Variants in ZNF496 observed in about 807,000 individuals in gnomAD.
ZNF496 encodes zinc finger protein 496.
Under a neutral mutation model 58.9 loss-of-function variants are expected in ZNF496, and 11 were observed. That is an observed-to-expected ratio of 0.19 (90% CI 0.12 to 0.31). The LOEUF is 0.31. ZNF496 is among the 10% of genes least tolerant of loss of function. ZNF496 has a pLI of 1.00. For synonymous variants in ZNF496, 338 were observed against 318.2 expected (o/e 1.06, Z -0.66); for missense variants, 660 against 783.0 (o/e 0.84, Z 1.88).
intron 5 of ZNF496, among the ~76,000 whole-genome samples, chr1:247,326,260 AGC>A (rs958903334): frequency 4.6e-5 from 7 of 151,920 alleles, no homozygotes; most frequent in Non-Finnish European, 8.8e-5. Flanking sequence ...CACAAAATCT[AGC>A]TTTTGGGGAA....
chr1:247,330,471 G>C (rs1014544326), intron 2 of ZNF496, among the ~76,000 whole-genome samples: 1 of 152,192 alleles, frequency 6.6e-6, no homozygotes, highest in Non-Finnish European at 1.5e-5. Context: ...GCACAGCTCA[G>C]CCCTCAAAGA....
At position 247,308,901 on chromosome 1, in the gene ZNF496, G is replaced by A. The variant is rs534255127; in HGVS notation, c.893-313C>T. ...TATTTATTCCCACTTTCTGTGGTGG[G>A]TTTTCTATAGTCATCACCACAGGCT... On this transcript the variant is annotated intron_variant, in intron 8 of 9. Transcript: ENST00000682384. The surrounding 1 kb of genome is among the most constrained non-coding windows in gnomAD (Gnocchi z 4.5). 87 of 356,126 alleles carry A rather than the reference G, an allele frequency of 2.4e-4. No homozygotes were observed. The highest frequency in any genetic ancestry group is 1.9e-3 in the Middle Eastern group (2 of 1,026). The allele number at this position is 356,126 out of a possible 1,614,324, so 22.1% of individuals were successfully genotyped here. A position where few individuals can be genotyped will look rare whatever the true frequency, so the allele number is the denominator to read the frequency against.
At chr1:247,328,257 T>C (rs1399379346) in intron 5 of ZNF496, among the ~76,000 whole-genome samples, 1 of 152,184 alleles carries the variant, frequency 6.6e-6, no homozygotes, top group Non-Finnish European at 1.5e-5. Context: ...AGCATCACAA[T>C]ACTCCTGTAA....
chr1:247,322,468 C>T (rs1453427945), intron 6 of ZNF496, among the ~76,000 whole-genome samples: 1 of 152,114 alleles, frequency 6.6e-6, no homozygotes, highest in Non-Finnish European at 1.5e-5. Context: ...GGGGATGATG[C>T]TGTCATAACT....
intron 7 of ZNF496, 104 bp downstream of exon 7, chr1:247,310,220 C>A (rs1423918979): frequency 1.1e-5 from 17 of 1,544,724 alleles, no homozygotes; most frequent in Middle Eastern, 4.8e-4. Flanking sequence ...CTGATGCAGG[C>A]CCCGCTTCCC....
intron 6 of ZNF496, among the ~76,000 whole-genome samples, chr1:247,321,370 T>C (rs1276515969): frequency 6.6e-6 from 1 of 151,968 alleles, no homozygotes; most frequent in Non-Finnish European, 1.5e-5. Context: ...AGGGAAAGGG[T>C]AAATGAGGAG....
At chr1:247,315,362 G>C (rs1572082890) in intron 6 of ZNF496, among the ~76,000 whole-genome samples, 1 of 152,044 alleles carries the variant, frequency 6.6e-6, no homozygotes, top group East Asian at 1.9e-4. Flanking sequence ...GAAGGAAGCT[G>C]TATCACCTAT....
chr1:247,312,433 T>C (rs918502943), intron 6 of ZNF496: 3 of 152,194 alleles, frequency 2.0e-5, no homozygotes, highest in African/African-American at 4.8e-5. Flanking sequence ...AATCTCCTCT[T>C]TTCTTTTGGA....
chr1:247,315,869 G>A (rs1659750637), intron 6 of ZNF496, among the ~76,000 whole-genome samples: 1 of 152,190 alleles, frequency 6.6e-6, no homozygotes, highest in Non-Finnish European at 1.5e-5. Context: ...CTCTGACTCA[G>A]TAGGTCGGGG....
At chr1:247,316,839 G>C (rs997674124) in intron 6 of ZNF496, among the ~76,000 whole-genome samples, 3 of 152,082 alleles carry the variant, frequency 2.0e-5, no homozygotes, top group African/African-American at 7.2e-5. Flanking sequence ...ATGGACCAAT[G>C]CTTACATGCT....
chr1:247,324,558 C>G (rs1455587435), intron 5 of ZNF496, among the ~76,000 whole-genome samples: 1 of 150,800 alleles, frequency 6.6e-6, no homozygotes, highest in African/African-American at 2.4e-5. Flanking sequence ...ACTGGTCTCA[C>G]TAGGTTGCCT....
chr1:247,326,750 G>A (rs968957597), intron 5 of ZNF496, among the ~76,000 whole-genome samples: 10 of 152,156 alleles, frequency 6.6e-5, no homozygotes, highest in Admixed American at 5.9e-4. Flanking sequence ...AGGTCATTAA[G>A]ATAAAATCAG....
At chr1:247,307,670 G>C (rs900096900) in intron 9 of ZNF496, 21 of 985,272 alleles carry the variant, frequency 2.1e-5, no homozygotes, top group Non-Finnish European at 2.4e-5. Context: ...CCAAGTACAA[G>C]ATGCATGGAG....
At chr1:247,314,541 A>G (rs574026129) in intron 6 of ZNF496, among the ~76,000 whole-genome samples, 1 of 150,926 alleles carries the variant, frequency 6.6e-6, no homozygotes, top group South Asian at 2.1e-4. Flanking sequence ...GGACCACAAA[A>G]TAAAATTTTT....
chr1:247,303,238 T>C (rs1659303274), intron 9 of ZNF496, among the ~76,000 whole-genome samples: 1 of 152,152 alleles, frequency 6.6e-6, no homozygotes, highest in Non-Finnish European at 1.5e-5. Context: ...ATGGGAGCCG[T>C]CTCCAAGACG....
intron 9 of ZNF496, among the ~76,000 whole-genome samples, chr1:247,302,156 G>C (rs1333238264): frequency 6.6e-6 from 1 of 152,156 alleles, no homozygotes; most frequent in Non-Finnish European, 1.5e-5. Context: ...CTCAAATCTA[G>C]AACTTGGGGG....
At chr1:247,311,055 AAAATT>A (rs1219023471) in intron 6 of ZNF496, 2 of 152,530 alleles carry the variant, frequency 1.3e-5, no homozygotes, top group Non-Finnish European at 2.9e-5. Context: ...TACCTGACAC[AAAATT>A]CTCTCCAGCT....
chr1:247,301,203 A>C lies in ZNF496; in HGVS notation c.1080T>G (p.Ser360=). 1 of 1,565,894 alleles carries C rather than the reference A, an allele frequency of 6.4e-7. No homozygotes were observed. The change falls in exon 10 of 10, where the codon TCT becomes TCG. Residue 360 remains serine, a synonymous_variant. Transcript: ENST00000682384. ...EVTIEIVLSS[S]GDEDSQHGPY... The stretch of plus-strand genomic sequence containing the variant: ...GGCCATGCTGGGAGTCCTCGTCCCC[A>C]GAGCTGGAGAGAACGATCTCGATGG...
At position 247,329,608 on chromosome 1, in the gene ZNF496, AGAC is replaced by A; in HGVS notation, c.-33_-31del. ...GGATTTGATGGGGGTCAGCAGCAGA[AGAC>A]GACCCTATTTCCAAACAGAAATCAC... On this transcript the variant is annotated 5_prime_UTR_variant, in exon 4 of 10. Transcript: ENST00000682384. This position sits in a 1 kb window ranked among gnomAD's most constrained non-coding sequence, Gnocchi z 5.5. 1 of 1,521,820 alleles carries A rather than the reference AGAC, an allele frequency of 6.6e-7. No individual in the cohort carries two copies. The highest frequency in any genetic ancestry group is 8.8e-7 in the Non-Finnish European group (1 of 1,138,944). 94.3% of individuals were successfully genotyped at this position (1,521,820 alleles called of 1,614,324 possible).
Sources: allele counts gnomAD v4.1 joint callset (sites outside exome capture counted in the v4.1 genomes callset), GRCh38; gene constraint gnomAD v4.1.1; non-coding constraint Gnocchi (gnomAD v3.1); transcripts MANE v1.5; gene names NCBI Gene and HGNC (gene_info 2026-07-23, HGNC 2026-07-21).